MAML3: variants seen among roughly 807,000 people sequenced by gnomAD.
MAML3 encodes mastermind-like protein 3.
A neutral mutation model predicts 101.9 loss-of-function variants in MAML3; 27 were observed. The ratio of observed to expected loss-of-function variants is 0.27; its 90% CI spans 0.20 to 0.37. The LOEUF (loss-of-function observed/expected upper bound fraction) is 0.37, where lower values mean the gene tolerates loss of function less well. Among genes scored for constraint, MAML3 ranks in the 10% least tolerant of loss-of-function variants. The probability of loss-of-function intolerance (pLI) is 1.00; values close to 1 mark genes in which losing one functional copy is unlikely to be tolerated. For missense variants in MAML3, 1,316 were observed against 1,444.9 expected (o/e 0.91, Z 1.45); for synonymous variants, 501 against 555.9 (o/e 0.90, Z 1.39).
intron 2 of MAML3, among the ~76,000 whole-genome samples, chr4:139,814,434 A>G (rs1362955155): frequency 6.6e-6 from 1 of 152,124 alleles, no homozygotes; most frequent in Non-Finnish European, 1.5e-5. Context: ...CTGAACACCT[A>G]ATCAGACTGA....
intron 1 of MAML3, among the ~76,000 whole-genome samples, chr4:140,124,596 A>C (rs1008265103): frequency 1.3e-5 from 2 of 152,210 alleles, no homozygotes; most frequent in Non-Finnish European, 1.5e-5. Flanking sequence ...AATAGAAGAA[A>C]TCAAAAGCTA....
At chr4:140,052,814 C>T (rs761545008) in intron 1 of MAML3, among the ~76,000 whole-genome samples, 49 of 152,196 alleles carry the variant, frequency 3.2e-4, no homozygotes, top group Non-Finnish European at 5.4e-4. Context: ...GGATTACAGG[C>T]GTAAGCCACC....
intron 1 of MAML3, among the ~76,000 whole-genome samples, chr4:139,910,641 T>A (rs926647727): frequency 6.6e-6 from 1 of 152,106 alleles, no homozygotes; most frequent in Non-Finnish European, 1.5e-5. Context: ...AATGGAGATA[T>A]TAGGTGTGAC....
intron 2 of MAML3, among the ~76,000 whole-genome samples, chr4:139,824,400 C>T (rs775507428): frequency 3.9e-5 from 6 of 152,172 alleles, no homozygotes; most frequent in Non-Finnish European, 7.3e-5. Flanking sequence ...CATCTCTCAG[C>T]GTCTCCCAGT....
intron 1 of MAML3, among the ~76,000 whole-genome samples, chr4:139,896,119 C>G (rs1732603158): frequency 6.6e-6 from 1 of 152,114 alleles, no homozygotes; most frequent in Non-Finnish European, 1.5e-5. Flanking sequence ...TCATGGGAGA[C>G]AGAGGGAGGC....
At chr4:140,045,158 G>T (rs1727161451) in intron 1 of MAML3, among the ~76,000 whole-genome samples, 1 of 152,148 alleles carries the variant, frequency 6.6e-6, no homozygotes, top group South Asian at 2.1e-4. Context: ...ACTTTGGGAG[G>T]CCAAGATGGG....
intron 1 of MAML3, among the ~76,000 whole-genome samples, chr4:140,007,647 C>T (rs1726473402): frequency 6.6e-6 from 1 of 152,168 alleles, no homozygotes; most frequent in African/African-American, 2.4e-5. Flanking sequence ...GGTTATATTC[C>T]AAAGCCACCA....
At chr4:139,828,519 G>T (rs1367395573) in intron 2 of MAML3, among the ~76,000 whole-genome samples, 1 of 152,174 alleles carries the variant, frequency 6.6e-6, no homozygotes, top group Non-Finnish European at 1.5e-5. Flanking sequence ...GCATTGTCTG[G>T]ATAGTGGAAC....
intron 2 of MAML3, among the ~76,000 whole-genome samples, chr4:139,811,833 T>C (rs990235115): frequency 2.6e-5 from 4 of 152,286 alleles, no homozygotes; most frequent in African/African-American, 9.6e-5. Context: ...CAAAAACATA[T>C]ATGAAGTGTT....
At chr4:140,030,533 A>G (rs1450680186) in intron 1 of MAML3, among the ~76,000 whole-genome samples, 4 of 151,558 alleles carry the variant, frequency 2.6e-5, no homozygotes, top group African/African-American at 9.7e-5. Flanking sequence ...ACCTCCTCCC[A>G]CCTTTTCCTT....
At chr4:139,745,123 TTGAG>T (rs1322943276) in intron 2 of MAML3, among the ~76,000 whole-genome samples, 1 of 146,904 alleles carries the variant, frequency 6.8e-6, no homozygotes, top group African/African-American at 2.5e-5. Flanking sequence ...AGATTTGGAT[TTGAG>T]TGAGAAGAGA....
intron 1 of MAML3, among the ~76,000 whole-genome samples, chr4:140,136,723 C>T (rs965428850): frequency 2.6e-5 from 4 of 152,140 alleles, no homozygotes; most frequent in African/African-American, 9.7e-5. Context: ...AAATGAGTCA[C>T]GTTTCTTGAA....
chr4:139,899,306 G>A (rs1732670234), intron 1 of MAML3, among the ~76,000 whole-genome samples: 1 of 152,148 alleles, frequency 6.6e-6, no homozygotes, highest in African/African-American at 2.4e-5. Context: ...AAGAAACAGT[G>A]CTCTAGATGG....
intron 1 of MAML3, among the ~76,000 whole-genome samples, chr4:140,039,595 C>G (rs1727046916): frequency 6.6e-6 from 1 of 152,164 alleles, no homozygotes; most frequent in Non-Finnish European, 1.5e-5. Context: ...CACAGCCCAC[C>G]CACCCCGACT....
intron 2 of MAML3, among the ~76,000 whole-genome samples, chr4:139,854,651 AACAGGGAGAGCACGACC>A (rs1439702486): frequency 1.2e-5 from 1 of 82,040 alleles, no homozygotes; most frequent in African/African-American, 2.8e-5. Flanking sequence ...GCCTGGTGGC[AACAGGGAGAGCACGACC>A]ACAGTCCCCA....
At chr4:139,746,620 G>A (rs976460455) in intron 2 of MAML3, among the ~76,000 whole-genome samples, 3 of 152,032 alleles carry the variant, frequency 2.0e-5, no homozygotes, top group Non-Finnish European at 2.9e-5. Context: ...CGGGCCCCTC[G>A]TTGCCATGGT....
intron 1 of MAML3, among the ~76,000 whole-genome samples, chr4:140,152,475 G>T (rs1475957167): frequency 6.6e-6 from 1 of 152,092 alleles, no homozygotes; most frequent in Non-Finnish European, 1.5e-5. Flanking sequence ...GCTAGAGGTG[G>T]GGTGGGGAGC....
chr4:139,989,850 AACAC>A (rs71593737), intron 1 of MAML3, among the ~76,000 whole-genome samples: 15 of 122,968 alleles, frequency 1.2e-4, no homozygotes, highest in African/African-American at 3.4e-4. Flanking sequence ...CACACAAACA[AACAC>A]ACACACACAC....
intron 1 of MAML3, among the ~76,000 whole-genome samples, chr4:139,970,954 AC>A (rs1203038964): frequency 6.6e-6 from 1 of 152,190 alleles, no homozygotes; most frequent in Non-Finnish European, 1.5e-5. Flanking sequence ...GCCCATAATC[AC>A]AGATGAGAAA....
Sources: gnomAD v4.1 joint callset for allele counts (sites outside exome capture counted in the v4.1 genomes callset) on GRCh38, gnomAD v4.1.1 for gene constraint, MANE v1.5 for transcripts, NCBI Gene and HGNC (gene_info 2026-07-23, HGNC 2026-07-21) for gene names.